The following ZSWIM5 variants were observed in gnomAD, a reference collection of about 807,000 sequenced individuals.
ZSWIM5 encodes zinc finger SWIM-type containing 5, also known as zinc finger SWIM domain-containing protein 5.
Under a neutral mutation model 119.6 loss-of-function variants are expected in ZSWIM5, and 55 were observed. The observed-to-expected ratio is 0.46, with a 90% CI of 0.37 to 0.58. ZSWIM5 has a LOEUF of 0.58. ZSWIM5 is among the 20% of genes least tolerant of loss of function. ZSWIM5 has a pLI of 0.00. For synonymous variants in ZSWIM5, 537 were observed against 606.9 expected, an observed-to-expected ratio of 0.88 and a Z score of 1.69; for missense variants, 1,193 against 1,512.8, an observed-to-expected ratio of 0.79 and a Z score of 3.51.
intron 1 of ZSWIM5, among the ~76,000 whole-genome samples, chr1:45,120,636 TTTTC>T (rs796989423): frequency 9.0e-4 from 136 of 151,788 alleles, no homozygotes; most frequent in African/African-American, 2.7e-3. Flanking sequence ...CCTGGCTAGT[TTTTC>T]TTTCTTTTTT....
intron 1 of ZSWIM5, among the ~76,000 whole-genome samples, chr1:45,178,176 A>T (rs555943153): frequency 6.6e-6 from 1 of 152,166 alleles, no homozygotes; most frequent in South Asian, 2.1e-4. Context: ...CTGTAATCCC[A>T]GCACTTTCGG....
At chr1:45,198,850 T>C (rs915768019) in intron 1 of ZSWIM5, among the ~76,000 whole-genome samples, 7 of 152,238 alleles carry the variant, frequency 4.6e-5, no homozygotes, top group African/African-American at 1.7e-4. Flanking sequence ...TTCTTGAACT[T>C]GATGGAGTTT....
intron 1 of ZSWIM5, among the ~76,000 whole-genome samples, chr1:45,141,374 T>C (rs775740389): frequency 3.9e-5 from 6 of 152,136 alleles, no homozygotes; most frequent in African/African-American, 7.2e-5. Flanking sequence ...AACCAGAAAG[T>C]ACTAGGGAGA....
chr1:45,067,173 C>A (rs953853511), intron 2 of ZSWIM5, among the ~76,000 whole-genome samples: 4 of 152,124 alleles, frequency 2.6e-5, no homozygotes, highest in Non-Finnish European at 2.9e-5. Flanking sequence ...CACAGTGGCT[C>A]ATGCCTGTAA....
At chr1:45,094,023 A>T (rs1185726291) in intron 1 of ZSWIM5, among the ~76,000 whole-genome samples, 3 of 134,372 alleles carry the variant, frequency 2.2e-5, no homozygotes, top group East Asian at 4.3e-4. Context: ...TTTTATTTTT[A>T]TATTTATTTA....
At chr1:45,111,990 T>C (rs543028315) in intron 1 of ZSWIM5, among the ~76,000 whole-genome samples, 23 of 152,360 alleles carry the variant, frequency 1.5e-4, no homozygotes, top group African/African-American at 5.5e-4. Context: ...CCTGGGTTCA[T>C]ATTACAGGAT....
intron 1 of ZSWIM5, among the ~76,000 whole-genome samples, chr1:45,095,808 T>G (rs1645397802): frequency 6.6e-6 from 1 of 152,206 alleles, no homozygotes; most frequent in South Asian, 2.1e-4. Context: ...GACTTATTAT[T>G]TCATCAGGCG....
At chr1:45,199,502 T>C (rs1441179088) in intron 1 of ZSWIM5, among the ~76,000 whole-genome samples, 1 of 152,158 alleles carries the variant, frequency 6.6e-6, no homozygotes, top group Non-Finnish European at 1.5e-5. Context: ...GGTTTCACCA[T>C]GTTGGCCAGG....
intron 1 of ZSWIM5, among the ~76,000 whole-genome samples, chr1:45,203,230 T>C (rs1276259130): frequency 6.6e-6 from 1 of 152,080 alleles, no homozygotes; most frequent in Non-Finnish European, 1.5e-5. Flanking sequence ...CCAGAATTCA[T>C]GACTTCCCAT....
Position 45,045,892 on chromosome 1 carries a change from G to A in ZSWIM5, c.1433-2497C>T, listed in dbSNP as rs368542170. 3.2e-4 allele frequency among the ~76,000 whole-genome samples: 48 copies of A among 152,074 alleles called. 1 individual carries two copies. The highest frequency in any genetic ancestry group is 1.2e-3 in the African/African-American group (48 of 41,468). On this transcript the variant is annotated intron_variant, in intron 5 of 13. Transcript: ENST00000359600. The stretch of plus-strand genomic sequence containing the variant: ...ATGAAAAAGTATAAAGCAGAGTTAG[G>A]GAGAAAAGCAAGCTGGTGTTAGGCA...
intron 1 of ZSWIM5, among the ~76,000 whole-genome samples, chr1:45,120,825 A>G (rs1280757587): frequency 6.6e-6 from 1 of 152,022 alleles, no homozygotes; most frequent in Admixed American, 6.5e-5. Flanking sequence ...AACCTCCCCC[A>G]AAGCTTCTAA....
chr1:45,181,024 C>T (rs1228855942), intron 1 of ZSWIM5, among the ~76,000 whole-genome samples: 1 of 152,086 alleles, frequency 6.6e-6, no homozygotes, highest in Non-Finnish European at 1.5e-5. Context: ...AAAAGCAGAG[C>T]GCCTCTCCTC....
intron 11 of ZSWIM5, among the ~76,000 whole-genome samples, chr1:45,027,581 A>C (rs1423820202): frequency 6.6e-5 from 10 of 151,842 alleles, no homozygotes; most frequent in Admixed American, 6.6e-4. Flanking sequence ...ATTTTTGTAG[A>C]GACAGGGTTT....
intron 1 of ZSWIM5, among the ~76,000 whole-genome samples, chr1:45,191,549 C>T (rs894736233): frequency 6.6e-6 from 1 of 152,168 alleles, no homozygotes; most frequent in Non-Finnish European, 1.5e-5. Context: ...TGCAGAGCTC[C>T]CCATAGGATT....
At chr1:45,125,774 A>AC (rs1281625729) in intron 1 of ZSWIM5, among the ~76,000 whole-genome samples, 6 of 151,832 alleles carry the variant, frequency 4.0e-5, no homozygotes, top group Non-Finnish European at 8.8e-5. Context: ...ACAAAAAAAA[A>AC]AAAAAAGGAA....
At chr1:45,119,181 T>C (rs954731813) in intron 1 of ZSWIM5, among the ~76,000 whole-genome samples, 4 of 152,048 alleles carry the variant, frequency 2.6e-5, no homozygotes, top group Non-Finnish European at 5.9e-5. Context: ...TTTGAGAAAA[T>C]CTTAATCTGG....
At chr1:45,085,524 G>GTTTTTTTTTT (rs1387910637) in intron 2 of ZSWIM5, among the ~76,000 whole-genome samples, 22 of 128,956 alleles carry the variant, frequency 1.7e-4, no homozygotes, top group African/African-American at 6.1e-4. Flanking sequence ...AGGTTAGTTT[G>GTTTTTTTTTT]TTTGTTTTTT....
intron 4 of ZSWIM5, among the ~76,000 whole-genome samples, chr1:45,056,913 C>T (rs1253616357): frequency 2.0e-5 from 3 of 152,126 alleles, no homozygotes; most frequent in Non-Finnish European, 4.4e-5. Context: ...TTCTCTAGTT[C>T]AGAAATGGAA....
intron 1 of ZSWIM5, among the ~76,000 whole-genome samples, chr1:45,106,238 T>TTA (rs1645476457): frequency 2.4e-5 from 2 of 81,868 alleles, no homozygotes; most frequent in Non-Finnish European, 4.9e-5. Context: ...CCGGCCGCCC[T>TTA]GTCTGGGAGG....
Sources: allele counts gnomAD v4.1 joint callset (sites outside exome capture counted in the v4.1 genomes callset), GRCh38; gene constraint gnomAD v4.1.1; transcripts MANE v1.5; gene names NCBI Gene and HGNC (gene_info 2026-07-23, HGNC 2026-07-21).